The following ICA1 variants were observed in gnomAD, a reference collection of about 807,000 sequenced individuals.
The protein encoded by ICA1 is 69 kDa islet cell autoantigen.
ICA1 carries 40 observed loss-of-function variants against 71.0 expected under a neutral mutation model. The ratio of observed to expected loss-of-function variants is 0.56; its 90% CI spans 0.44 to 0.73. ICA1 has a LOEUF of 0.73. ICA1 is among the 30% of genes least tolerant of loss of function. ICA1 has a pLI of 0.00. For synonymous variants in ICA1, 207 were observed against 209.5 expected (o/e 0.99, Z 0.10); for missense variants, 578 against 576.5 (o/e 1.00, Z -0.03).
At position 8,234,404 on chromosome 7, in the gene ICA1, A is replaced by AC. The variant is rs928623581; in HGVS notation, c.17+1505dup. Among the ~76,000 whole-genome samples, 11 of 150,756 alleles carry AC rather than the reference A, an allele frequency of 7.3e-5. No homozygotes were observed. The highest frequency in any genetic ancestry group is 4.2e-4 in the South Asian group (2 of 4,706). ...AGTCCCTGCCCCAAAGGCTCCCCTG[A>AC]CCCCCCCAGGCAACTCTCCTCTGTG... On this transcript the variant is annotated intron_variant, in intron 2 of 13. Transcript: ENST00000402384. This position sits in a 1 kb window ranked among gnomAD's most constrained non-coding sequence, Gnocchi z 4.5.
At chr7:8,185,651 T>G (rs902680108) in intron 6 of ICA1, among the ~76,000 whole-genome samples, 1 of 152,236 alleles carries the variant, frequency 6.6e-6, no homozygotes, top group African/African-American at 2.4e-5. Flanking sequence ...AGCATGCTCT[T>G]TGAAGTCAGA....
intron 8 of ICA1, among the ~76,000 whole-genome samples, chr7:8,150,212 C>A (rs890417125): frequency 6.6e-6 from 1 of 152,180 alleles, no homozygotes; most frequent in East Asian, 1.9e-4. Flanking sequence ...GGTCTCCACT[C>A]CTTGGAGGTC....
chr7:8,170,675 T>C (rs1807993376), intron 6 of ICA1, among the ~76,000 whole-genome samples: 1 of 152,044 alleles, frequency 6.6e-6, no homozygotes, highest in African/African-American at 2.4e-5. Flanking sequence ...ACTGTGACCT[T>C]GCAAAATTCA....
At chr7:8,191,890 T>C (rs938661561) in intron 6 of ICA1, among the ~76,000 whole-genome samples, 1 of 152,136 alleles carries the variant, frequency 6.6e-6, no homozygotes, top group African/African-American at 2.4e-5. Context: ...TCCAGACTTC[T>C]AGAAAAGTTG....
At chr7:8,255,719 A>G (rs887489205) in intron 1 of ICA1, among the ~76,000 whole-genome samples, 1 of 151,042 alleles carries the variant, frequency 6.6e-6, no homozygotes, top group Admixed American at 6.6e-5. Flanking sequence ...TGTGGTCCCT[A>G]TGTTAATTAC....
At chr7:8,137,564 G>A (rs1250570818) in intron 12 of ICA1, among the ~76,000 whole-genome samples, 2 of 152,130 alleles carry the variant, frequency 1.3e-5, no homozygotes, top group African/African-American at 4.8e-5. Flanking sequence ...AGCCAAAGAG[G>A]AAAATGTTTT....
rs1177677069 is a variant in ICA1, at chr7:8,221,369, T to C, written c.286A>G (p.Lys96Glu). 1.2e-6 allele frequency: 2 copies of C among 1,613,554 alleles called. No homozygotes were observed. The highest frequency in any genetic ancestry group is 1.3e-5 in the African/African-American group (1 of 74,896). ...FLSQEENELG[K>E]FLRSQGFQDK... ...TGGAAACCTTGGGATCGAAGAAATT[T>C]TCCCAGTTCGTTTTCTTCTTGAGAC... Residue 96 changes from lysine to glutamate, a missense_variant, in exon 5 of 14, where the codon AAA becomes GAA. By Grantham distance (56) the Lys-to-Glu change is moderately conservative (BLOSUM62 1). Coordinates refer to ENST00000402384, the MANE Select transcript of ICA1 (RefSeq NM_001136020.3).
At chr7:8,257,605 C>A (rs1309005947) in intron 1 of ICA1, among the ~76,000 whole-genome samples, 1 of 152,118 alleles carries the variant, frequency 6.6e-6, no homozygotes, top group Non-Finnish European at 1.5e-5. Flanking sequence ...TTTTCCACTC[C>A]ACAGAACTAT....
intron 6 of ICA1, among the ~76,000 whole-genome samples, chr7:8,199,053 A>G (rs1788642104): frequency 6.6e-6 from 1 of 152,214 alleles, no homozygotes; most frequent in Admixed American, 6.5e-5. Flanking sequence ...AGATCATCTC[A>G]CCCCAGTTAA....
chr7:8,217,648 A>T (rs1355721433), intron 6 of ICA1, among the ~76,000 whole-genome samples: 1 of 152,230 alleles, frequency 6.6e-6, no homozygotes, highest in Non-Finnish European at 1.5e-5. Context: ...ATAAATATTC[A>T]GTGTAAGACT....
chr7:8,178,602 C>T (rs1424654394), intron 6 of ICA1, among the ~76,000 whole-genome samples: 1 of 148,970 alleles, frequency 6.7e-6, no homozygotes, highest in African/African-American at 2.5e-5. Flanking sequence ...AAAAAGAAGA[C>T]ATTGCTGCAG....
chr7:8,232,807 T>C, intron 2 of ICA1, 52 bp from the exon 3 acceptor site: 1 of 1,402,368 alleles, frequency 7.1e-7, no homozygotes, highest in East Asian at 2.5e-5. Flanking sequence ...AAGATTAAGA[T>C]ATTTTAGTGT....
intron 2 of ICA1, among the ~76,000 whole-genome samples, chr7:8,233,890 G>C (rs1801028353): frequency 6.6e-6 from 1 of 152,140 alleles, no homozygotes; most frequent in Admixed American, 6.5e-5. Context: ...TTTTCAGGAG[G>C]ATCACAGTGA....
chr7:8,182,559 C>T (rs1782531487), intron 6 of ICA1, among the ~76,000 whole-genome samples: 1 of 152,166 alleles, frequency 6.6e-6, no homozygotes, highest in Non-Finnish European at 1.5e-5. Context: ...ATTAAAGGGA[C>T]ACCCATTATC....
At chr7:8,230,273 A>C (rs1799875266) in intron 3 of ICA1, among the ~76,000 whole-genome samples, 1 of 152,246 alleles carries the variant, frequency 6.6e-6, no homozygotes, top group African/African-American at 2.4e-5. Flanking sequence ...TTCTATATTA[A>C]CTTTCCAACA....
intron 1 of ICA1, among the ~76,000 whole-genome samples, chr7:8,260,796 G>A (rs763386479): frequency 5.3e-5 from 8 of 152,190 alleles, no homozygotes; most frequent in Non-Finnish European, 1.0e-4. Flanking sequence ...GAGAGTGTGT[G>A]TTTTAAACAG....
At chr7:8,120,181 G>T (rs938542322) in intron 13 of ICA1, among the ~76,000 whole-genome samples, 4 of 152,092 alleles carry the variant, frequency 2.6e-5, no homozygotes, top group Admixed American at 2.6e-4. Flanking sequence ...CCCTTTCCCC[G>T]TAGTGTGAGG....
In ICA1 at chr7:8,128,631, T is replaced by C. The variant is rs6463770; in HGVS notation, c.1061-489A>G. 2.0e-3 allele frequency among the ~76,000 whole-genome samples: 304 copies of C among 152,176 alleles called. 1 individual carries two copies. The highest frequency in any genetic ancestry group is 6.8e-3 in the African/African-American group (282 of 41,440). ...CATGCCCTGGCCCAGGGCACGACAG[T>C]GAAGGGGAGGATGTCCAGAGCTCAA... On this transcript the variant is annotated intron_variant, in intron 12 of 13. Coordinates refer to ENST00000402384, the MANE Select transcript of ICA1 (RefSeq NM_001136020.3).
At position 8,221,280 on chromosome 7, in the gene ICA1, C is replaced by T; in HGVS notation, c.375G>A (p.Gln125=). Residue 125 remains glutamine (Q), a synonymous_variant, in exon 5 of 14, where the codon CAG becomes CAA. Coordinates refer to ENST00000402384, the MANE Select transcript of ICA1 (RefSeq NM_001136020.3). ...CCCCACTAAAGGCCACACACCTTTG[C>T]TGGGAAGAAAAGCAGAGGGCCTTTC... is the stretch of plus-strand genomic sequence containing the variant. The part of the protein sequence containing the change: ...ATGKALCFSS[Q]QRLALRNPLC... The T allele has an allele frequency of 1.2e-6, 2 of 1,613,520 alleles. No individual in the cohort carries two copies. Among genetic ancestry groups the T allele is most frequent in the Non-Finnish European group, 1.7e-6 (2 of 1,179,588 alleles).
Sources: allele counts gnomAD v4.1 joint callset (sites outside exome capture counted in the v4.1 genomes callset), GRCh38; gene constraint gnomAD v4.1.1; non-coding constraint Gnocchi (gnomAD v3.1); transcripts MANE v1.5; gene names NCBI Gene and HGNC (gene_info 2026-07-23, HGNC 2026-07-21).